The following NR5A1 variants were observed in gnomAD, a reference collection of about 807,000 sequenced individuals.
The protein encoded by NR5A1 is nuclear receptor subfamily 5 group A member 1, also known as steroidogenic factor 1.
NR5A1 carries 6 observed loss-of-function variants against 42.7 expected under a neutral mutation model. The ratio of observed to expected loss-of-function variants is 0.14; its 90% confidence interval spans 0.08 to 0.28. The LOEUF is 0.28. Among genes scored for constraint, NR5A1 ranks in the 10% least tolerant of loss-of-function variants. The pLI is 1.00. For missense variants in NR5A1, 442 were observed against 626.4 expected, an observed-to-expected ratio of 0.71 and a Z score of 3.14; for synonymous variants, 274 against 277.5, an observed-to-expected ratio of 0.99 and a Z score of 0.12.
At position 124,482,968 on chromosome 9, in the gene NR5A1, G is replaced by A. The variant is rs757887964; in HGVS notation, c.1176C>T (p.Asp392=). Residue 392 remains aspartate (D), a synonymous_variant, in exon 7 of 7, where the codon GAC becomes GAT. Coordinates refer to ENST00000373588, the MANE Select transcript of NR5A1 (RefSeq NM_004959.5). ...KFLNNHILVK[D]AQEKANAALL... ...GGGCGGCGTTGGCCTTCTCCTGAGC[G>A]TCTTTCACCAGGATGTGGTTATTCA... The A allele has an allele frequency of 2.9e-5, 47 of 1,614,028 alleles. No individual in the cohort carries two copies. The East Asian group carries it at 5.1e-4, about 18-fold the overall frequency.
Position 124,500,571 on chromosome 9 carries a change from G to T in NR5A1, c.389C>A (p.Pro130Gln). The T allele has an allele frequency of 6.2e-7, 1 of 1,611,562 alleles. No homozygotes were observed. Among genetic ancestry groups the T allele is most frequent in the Non-Finnish European group, 8.5e-7 (1 of 1,179,820 alleles). ...GTAGTCCGGTGCGGGAGGGGGCGGCGGGGGCACCCCCATCGGGGGCCCTGT... is the reference window on the plus strand; with the variant it reads ...GTAGTCCGGTGCGGGAGGGGGCGGCTGGGGCACCCCCATCGGGGGCCCTGT... ...LETGPPMGVP[P>Q]PPPPAPDYVL... Residue 130 changes from proline (P) to glutamine (Q), a missense_variant, in exon 4 of 7, where the codon CCG (proline) becomes CAG (glutamine). Around this residue, in one of 3 missense-constraint regions of NR5A1, gnomAD observed 208 missense variants for 203.8 expected, o/e 1.02. Transcript: ENST00000373588. The surrounding 1 kb of genome is among the most constrained non-coding windows in gnomAD (Gnocchi z 6.9).
intron 4 of NR5A1, 27 bp from the exon 5 acceptor site, chr9:124,493,176 C>T (rs1201458888): frequency 4.4e-6 from 7 of 1,602,548 alleles, no homozygotes; most frequent in African/African-American, 2.7e-5. Flanking sequence ...CGCGGGGGGC[C>T]GGGCTCCAGC....
chr9:124,503,512 CCT>C lies in NR5A1; in HGVS notation c.-15-104_-15-103del, dbSNP rs921126529. 1.1e-6 allele frequency: 1 copy of C among 935,914 alleles called. No homozygotes were observed. The highest frequency in any genetic ancestry group is 1.5e-6 in the Non-Finnish European group (1 of 648,272). The allele number at this position is 935,914 out of a possible 1,614,324, so 58.0% of individuals were successfully genotyped here. ...CTGTCGCCGGCCCGTCGCGTAATCC[CCT>C]CTCTGTGCCCAGGCGCTGCCGCCGG... On this transcript the variant is annotated intron_variant, in intron 1 of 6. Coordinates refer to ENST00000373588, the MANE Select transcript of NR5A1 (RefSeq NM_004959.5). The surrounding 1 kb of genome is among the most constrained non-coding windows in gnomAD (Gnocchi z 9.6).
intron 6 of NR5A1, among the ~76,000 whole-genome samples, chr9:124,487,655 AG>A (rs1464285555): frequency 6.6e-6 from 1 of 152,204 alleles, no homozygotes; most frequent in Non-Finnish European, 1.5e-5. Flanking sequence ...GGGGAGCACA[AG>A]CACTCGTGGC....
intron 4 of NR5A1, among the ~76,000 whole-genome samples, chr9:124,497,681 C>T (rs1832407567): frequency 6.6e-6 from 1 of 152,194 alleles, no homozygotes. Flanking sequence ...GCCCCGCAGC[C>T]ATCCATCACC....
intron 6 of NR5A1, 45 bp downstream of exon 6, chr9:124,491,036 C>CCCCCCCAAGGGGGG: frequency 7.1e-7 from 1 of 1,401,600 alleles, no homozygotes; most frequent in Non-Finnish European, 9.6e-7. Flanking sequence ...CCCACCCACC[C>CCCCCCCAAGGGGGG]GCCTCTGGCT....
chr9:124,488,347 T>A (rs996109153), intron 6 of NR5A1, among the ~76,000 whole-genome samples: 2 of 152,104 alleles, frequency 1.3e-5, no homozygotes, highest in Non-Finnish European at 2.9e-5. Context: ...CCTCTCTCAC[T>A]GCTTGCCATC....
In NR5A1 at chr9:124,503,253, G is replaced by A. The variant is rs1322709673; in HGVS notation, c.103-33C>T. ...AGCTGAGAGTCAGCGAGGCCCCGCA[G>A]CGCCCGTCTGCCGCACCCCTGCCGC... On this transcript the variant is annotated intron_variant, in intron 2 of 6. Transcript: ENST00000373588. The surrounding 1 kb of genome is among the most constrained non-coding windows in gnomAD (Gnocchi z 9.6). 2 of 1,604,378 alleles carry A rather than the reference G, an allele frequency of 1.2e-6. No homozygotes were observed. Among genetic ancestry groups the A allele is most frequent in the East Asian group, 2.3e-5 (1 of 44,350 alleles).
At chr9:124,504,072 A>AGAGAGAGG (rs1367395839) in intron 1 of NR5A1, among the ~76,000 whole-genome samples, 2 of 149,840 alleles carry the variant, frequency 1.3e-5, no homozygotes, top group East Asian at 2.0e-4. Context: ...AGAGAGAGAG[A>AGAGAGAGG]GAAACGAGGG....
rs746239089 is a variant in NR5A1, at chr9:124,500,054, T to C, written c.870+36A>G. 13 of 1,612,946 alleles carry C rather than the reference T, an allele frequency of 8.1e-6. No homozygotes were observed. The Admixed American group carries it at 1.0e-4, about 12-fold the overall frequency. On this transcript the variant is annotated intron_variant, in intron 4 of 6. Coordinates refer to ENST00000373588, the MANE Select transcript of NR5A1 (RefSeq NM_004959.5). This position sits in a 1 kb window ranked among gnomAD's most constrained non-coding sequence, Gnocchi z 6.9. Reference sequence around the variant, plus strand: ...AAGGCTTGGGCAGCCGGGAGGACCATGATGCAGGGCCAGCCGGGCGGGAGG... The same window carrying C: ...AAGGCTTGGGCAGCCGGGAGGACCACGATGCAGGGCCAGCCGGGCGGGAGG...
Position 124,500,553 on chromosome 9 carries a change from G to C in NR5A1, c.407C>G (p.Pro136Arg). ...CAGGCTGGGAGGCAGCACGTAGTCCGGTGCGGGAGGGGGCGGCGGGGGCAC... is the reference window on the plus strand; with the variant it reads ...CAGGCTGGGAGGCAGCACGTAGTCCCGTGCGGGAGGGGGCGGCGGGGGCAC... ...MGVPPPPPPA[P>R]DYVLPPSLHG... The change falls in exon 4 of 7, where the codon CCG (proline) becomes CGG (arginine). Residue 136 changes from proline to arginine, a missense_variant. Physicochemically the swap from Pro to Arg is moderately radical, Grantham distance 103. Transcript: ENST00000373588. The surrounding 1 kb of genome is among the most constrained non-coding windows in gnomAD (Gnocchi z 6.9). 1 of 1,610,592 alleles carries C rather than the reference G, an allele frequency of 6.2e-7. No homozygotes were observed. The highest frequency in any genetic ancestry group is 8.5e-7 in the Non-Finnish European group (1 of 1,179,700).
chr9:124,482,745 C>T lies in NR5A1; in HGVS notation c.*13G>A. 1 of 1,537,222 alleles carries T rather than the reference C, an allele frequency of 6.5e-7. No homozygotes were observed. Among genetic ancestry groups the T allele is most frequent in the East Asian group, 2.5e-5 (1 of 40,370 alleles). ...GTCCCGCCCCCAGTCCCGGCCCCGC[C>T]CCCGGCCCAGGCTCAAGTCTGCTTG... On this transcript the variant is annotated 3_prime_UTR_variant, in exon 7 of 7. Transcript: ENST00000373588.
intron 5 of NR5A1, among the ~76,000 whole-genome samples, chr9:124,492,094 G>A (rs1832320621): frequency 6.6e-6 from 1 of 152,072 alleles, no homozygotes; most frequent in Non-Finnish European, 1.5e-5. Flanking sequence ...TGAGCAGTGG[G>A]GGCCTGGGAG....
In NR5A1 at chr9:124,501,232, C is replaced by T. The variant is rs1010215745; in HGVS notation, c.245-517G>A. On this transcript the variant is annotated intron_variant, in intron 3 of 6. Transcript: ENST00000373588. The surrounding 1 kb of genome is among the most constrained non-coding windows in gnomAD (Gnocchi z 4.1). ...TAAGGCCTGGCAGGGAGATGGTGACCGGAAGGGGACCCTGGTCAGCCTTGT... is the reference window on the plus strand; with the variant it reads ...TAAGGCCTGGCAGGGAGATGGTGACTGGAAGGGGACCCTGGTCAGCCTTGT... Among the ~76,000 whole-genome samples the T allele has an allele frequency of 2.6e-5, 4 of 152,100 alleles. No individual in the cohort carries two copies. Among genetic ancestry groups the T allele is most frequent in the Non-Finnish European group, 5.9e-5 (4 of 68,016 alleles).
intron 3 of NR5A1, among the ~76,000 whole-genome samples, chr9:124,502,468 T>G (rs1227588357): frequency 1.3e-5 from 2 of 152,164 alleles, no homozygotes; most frequent in Non-Finnish European, 2.9e-5. Flanking sequence ...TAGCTAGGAC[T>G]ACAGGCACAT....
rs779130740 is a variant in NR5A1 at position 124,503,265 on chromosome 9, C to T, written c.102+29G>A. The stretch of plus-strand genomic sequence containing the variant: ...GCGAGGCCCCGCAGCGCCCGTCTGC[C>T]GCACCCCTGCCGCGCGCTCGCCGCT... On this transcript the variant is annotated intron_variant, in intron 2 of 6. Coordinates refer to ENST00000373588, the MANE Select transcript of NR5A1 (RefSeq NM_004959.5). The surrounding 1 kb of genome is among the most constrained non-coding windows in gnomAD (Gnocchi z 9.6). The T allele has an allele frequency of 7.5e-6, 12 of 1,605,834 alleles. No homozygotes were observed. Among genetic ancestry groups the T allele is most frequent in the South Asian group, 2.2e-5 (2 of 89,824 alleles).
chr9:124,504,932 C>G (rs1028747727), intron 1 of NR5A1, among the ~76,000 whole-genome samples: 11 of 148,190 alleles, frequency 7.4e-5, no homozygotes, highest in South Asian at 2.1e-4. Context: ...CGGGGCCGCT[C>G]CGAGGCGCAC....
In NR5A1 at chr9:124,485,864, G is replaced by C. The variant is rs374827258; in HGVS notation, c.1139-2859C>G. On this transcript the variant is annotated intron_variant, in intron 6 of 6. Coordinates refer to ENST00000373588, the MANE Select transcript of NR5A1 (RefSeq NM_004959.5). ...TCTGCCTTCGCTCCCCACCATCCTGGGCTGAGCAAGTCTCCTGACATTCTC... is the reference window on the plus strand; with the variant it reads ...TCTGCCTTCGCTCCCCACCATCCTGCGCTGAGCAAGTCTCCTGACATTCTC... Among the ~76,000 whole-genome samples the C allele has an allele frequency of 1.2e-4, 19 of 152,286 alleles. No homozygotes were observed. The East Asian group carries it at 2.3e-3, about 19-fold the overall frequency.
rs922497358 is a variant in NR5A1, at chr9:124,503,534, C to T, written c.-15-124G>A. 4.2e-6 allele frequency: 3 copies of T among 717,546 alleles called. No individual in the cohort carries two copies. The highest frequency in any genetic ancestry group is 4.0e-5 in the Admixed American group (1 of 24,758). The allele number at this position is 717,546 out of a possible 1,614,324, so 44.4% of individuals were successfully genotyped here. A position where few individuals can be genotyped will look rare whatever the true frequency, so the allele number is the denominator to read the frequency against. On this transcript the variant is annotated intron_variant, in intron 1 of 6. Transcript: ENST00000373588. The surrounding 1 kb of genome is among the most constrained non-coding windows in gnomAD (Gnocchi z 9.6). ...TCCCCTCTCTGTGCCCAGGCGCTGC[C>T]GCCGGCACCCACCGAGCGCCCCGCG...
Sources: allele counts gnomAD v4.1 joint callset (sites outside exome capture counted in the v4.1 genomes callset), GRCh38; gene constraint gnomAD v4.1.1; regional missense constraint gnomAD v4.1.1; non-coding constraint Gnocchi (gnomAD v3.1); transcripts MANE v1.5; gene names NCBI Gene and HGNC (gene_info 2026-07-23, HGNC 2026-07-21).